ZBTB7C: variants seen among roughly 807,000 people sequenced by gnomAD.
ZBTB7C encodes zinc finger and BTB domain-containing protein 7C.
Under a neutral mutation model 25.7 loss-of-function variants are expected in ZBTB7C, and 8 were observed. The observed-to-expected ratio is 0.31, with a 90% confidence interval of 0.18 to 0.56. The LOEUF (loss-of-function observed/expected upper bound fraction) is 0.56. Ranked by LOEUF, ZBTB7C falls within the 20% of genes least tolerant of loss-of-function variation. The pLI is 0.91. For synonymous variants in ZBTB7C, 394 were observed against 369.0 expected (o/e 1.07, Z -0.78); for missense variants, 824 against 855.2 (o/e 0.96, Z 0.46).
intron 3 of ZBTB7C, among the ~76,000 whole-genome samples, chr18:48,127,391 T>G (rs879310825): frequency 6.6e-6 from 1 of 152,240 alleles, no homozygotes; most frequent in Non-Finnish European, 1.5e-5. Context: ...CTGAATGTCA[T>G]GCCTGATTCT....
chr18:48,164,907 T>C (rs2041192248), intron 3 of ZBTB7C, among the ~76,000 whole-genome samples: 1 of 152,192 alleles, frequency 6.6e-6, no homozygotes, highest in African/African-American at 2.4e-5. Flanking sequence ...ATTGTTGTTG[T>C]CCTTATTTTA....
Position 48,311,311 on chromosome 18 carries a change from G to A in ZBTB7C, c.-79+26863C>T, listed in dbSNP as rs79088845. Among the ~76,000 whole-genome samples the A allele has an allele frequency of 2.6e-5, 4 of 152,102 alleles. No individual in the cohort carries two copies. The East Asian group carries it at 5.8e-4, about 22-fold the overall frequency. ...CCAGTGCCCAGCACACAGTACCATCGCAAGTGCTTAGTAAATATCTGCTGA... is the reference window on the plus strand; with the variant it reads ...CCAGTGCCCAGCACACAGTACCATCACAAGTGCTTAGTAAATATCTGCTGA... On this transcript the variant is annotated intron_variant, in intron 2 of 4. Transcript: ENST00000590800.
chr18:48,081,860 A>T (rs1259202208), intron 3 of ZBTB7C, among the ~76,000 whole-genome samples: 1 of 152,094 alleles, frequency 6.6e-6, no homozygotes, highest in Non-Finnish European at 1.5e-5. Context: ...TGGATTTTGA[A>T]GATTTAGTAC....
intron 3 of ZBTB7C, among the ~76,000 whole-genome samples, chr18:48,079,377 A>AT (rs1416608459): frequency 6.6e-6 from 1 of 152,214 alleles, no homozygotes; most frequent in African/African-American, 2.4e-5. Context: ...TTTGTGCCCA[A>AT]TTTTTTAAAG....
At chr18:48,303,568 G>A (rs113856268) in intron 2 of ZBTB7C, among the ~76,000 whole-genome samples, 2,019 of 152,320 alleles carry the variant, frequency 0.013, 46 homozygotes, top group African/African-American at 0.045. Context: ...GTTTATCATG[G>A]CCATAAGAAT....
intron 2 of ZBTB7C, among the ~76,000 whole-genome samples, chr18:48,261,228 C>T (rs2044162076): frequency 6.6e-6 from 1 of 152,176 alleles, no homozygotes; most frequent in Non-Finnish European, 1.5e-5. Flanking sequence ...ATTCTTGGAA[C>T]ATCCCTGCAG....
intron 2 of ZBTB7C, among the ~76,000 whole-genome samples, chr18:48,221,147 T>C (rs1375136860): frequency 6.6e-6 from 1 of 151,340 alleles, no homozygotes; most frequent in African/African-American, 2.4e-5. Flanking sequence ...TATTCTCCTC[T>C]ATATTGTCCT....
intron 2 of ZBTB7C, among the ~76,000 whole-genome samples, chr18:48,222,424 C>T (rs2042985832): frequency 6.6e-6 from 1 of 152,178 alleles, no homozygotes; most frequent in Non-Finnish European, 1.5e-5. Flanking sequence ...GTGGGAGGAA[C>T]CACAGCCTTG....
intron 2 of ZBTB7C, among the ~76,000 whole-genome samples, chr18:48,295,181 C>T (rs1253926575): frequency 2.6e-5 from 4 of 152,194 alleles, no homozygotes; most frequent in Admixed American, 2.6e-4. Context: ...TCTTGTTAAA[C>T]ACAGAGCACC....
In ZBTB7C at chr18:48,184,733, G is replaced by T. The variant is rs151148689; in HGVS notation, c.-17+1201C>A. On this transcript the variant is annotated intron_variant, in intron 3 of 4. Transcript: ENST00000590800. The stretch of plus-strand genomic sequence containing the variant: ...GGACAATTGGGAGTGCTGTATTGGT[G>T]ACTGTCCGCCAGGAGCTCAAGATGT... 3.5e-3 allele frequency among the ~76,000 whole-genome samples: 537 copies of T among 152,234 alleles called. 2 individuals are homozygous for T. Among genetic ancestry groups the T allele is most frequent in the African/African-American group, 0.012 (505 of 41,534 alleles).
At chr18:48,337,382 G>T (rs981555678) in intron 2 of ZBTB7C, among the ~76,000 whole-genome samples, 1 of 152,178 alleles carries the variant, frequency 6.6e-6, no homozygotes, top group Non-Finnish European at 1.5e-5. Context: ...GAAAATCCAT[G>T]GGAACAGGCT....
intron 1 of ZBTB7C, among the ~76,000 whole-genome samples, chr18:48,383,977 G>A (rs1448244041): frequency 6.6e-6 from 1 of 152,210 alleles, no homozygotes. Context: ...CAGAACTAGT[G>A]GGGACAGATA....
chr18:48,107,246 A>G (rs2039065367), intron 3 of ZBTB7C, among the ~76,000 whole-genome samples: 1 of 150,226 alleles, frequency 6.7e-6, no homozygotes, highest in African/African-American at 2.5e-5. Flanking sequence ...AGGGGTTAGG[A>G]AGGTTCAGGA....
At position 48,349,520 on chromosome 18, in the gene ZBTB7C, G is replaced by A. The variant is rs185712549; in HGVS notation, c.-303-11122C>T. On this transcript the variant is annotated intron_variant, in intron 1 of 4. Coordinates refer to ENST00000590800, the MANE Select transcript of ZBTB7C (RefSeq NM_001318841.2). ...CATAAGGGGGCGTGTGGTCTTGTGA[G>A]AGGAGGCTGGGCACACAGCTCCAAA... is the stretch of plus-strand genomic sequence containing the variant. Among the ~76,000 whole-genome samples, 24 of 152,308 alleles carry A rather than the reference G, an allele frequency of 1.6e-4. No homozygotes were observed. In the East Asian group the frequency reaches 2.3e-3, roughly 15 times the overall value.
At chr18:48,246,328 G>A (rs2043691529) in intron 2 of ZBTB7C, among the ~76,000 whole-genome samples, 1 of 152,042 alleles carries the variant, frequency 6.6e-6, no homozygotes, top group Admixed American at 6.5e-5. Context: ...TACTTGGGAG[G>A]CTAAGGCAGG....
intron 2 of ZBTB7C, among the ~76,000 whole-genome samples, chr18:48,264,546 G>A (rs1251512327): frequency 6.6e-6 from 1 of 152,170 alleles, no homozygotes; most frequent in East Asian, 1.9e-4. Context: ...AGGTTTCAGA[G>A]AGGTGGAAAT....
intron 2 of ZBTB7C, among the ~76,000 whole-genome samples, chr18:48,270,478 G>C (rs1245582932): frequency 6.6e-6 from 1 of 150,422 alleles, no homozygotes; most frequent in Admixed American, 6.6e-5. Flanking sequence ...GGCGGATCTC[G>C]AGGTCAGGTG....
Position 48,040,719 on chromosome 18 carries a change from C to G in ZBTB7C, c.389G>C (p.Gly130Ala), listed in dbSNP as rs1334299296. The G allele has an allele frequency of 5.6e-6, 9 of 1,614,042 alleles. No homozygotes were observed. The South Asian group carries it at 6.6e-5, about 12-fold the overall frequency. Residue 130 changes from glycine to alanine, a missense_variant, in exon 4 of 5, where the codon GGG becomes GCG. Transcript: ENST00000590800. ...GTCATCCTCCTCCCCCCCGTCCCCC[C>G]CAGGCTCCATGATCTCCAGGCACAC... ...VNVCLEIMEP[G>A]GDGGEEDDKE...
intron 3 of ZBTB7C, among the ~76,000 whole-genome samples, chr18:48,090,382 A>G (rs868068418): frequency 6.6e-6 from 1 of 152,222 alleles, no homozygotes; most frequent in Non-Finnish European, 1.5e-5. Context: ...CAGGGAGTTA[A>G]AAGTCCTTTG....
Sources: allele counts gnomAD v4.1 joint callset (sites outside exome capture counted in the v4.1 genomes callset), GRCh38; gene constraint gnomAD v4.1.1; transcripts MANE v1.5; gene names NCBI Gene and HGNC (gene_info 2026-07-23, HGNC 2026-07-21).